Variants in CSTPP1 observed in about 807,000 individuals in gnomAD.
CSTPP1 encodes UPF0705 protein C11orf49.
At chr11:46,937,364 A>G in the CSTPP1 span, among the ~76,000 whole-genome samples, 1 of 152,086 alleles carries the variant, frequency 6.6e-6, no homozygotes, top group Non-Finnish European at 1.5e-5. Context: ...AAGTTAGGCC[A>G]CACAGCTAGA....
chr11:46,938,255 C>T, the CSTPP1 span, among the ~76,000 whole-genome samples: 26 of 151,186 alleles, frequency 1.7e-4, no homozygotes, highest in Non-Finnish European at 3.2e-4. Context: ...TCACAGTTTC[C>T]GCTATTATTT....
At chr11:47,050,848 G>C in the CSTPP1 span, among the ~76,000 whole-genome samples, 2 of 152,086 alleles carry the variant, frequency 1.3e-5, no homozygotes, top group African/African-American at 2.4e-5. Flanking sequence ...CTAATCTTTT[G>C]CCAGGTGATG....
chr11:46,982,710 G>T, the CSTPP1 span, among the ~76,000 whole-genome samples: 7 of 152,210 alleles, frequency 4.6e-5, no homozygotes, highest in East Asian at 1.4e-3. Context: ...GGTATATGAT[G>T]ATGTATATTT....
the CSTPP1 span, among the ~76,000 whole-genome samples, chr11:47,065,457 T>C: frequency 3.3e-5 from 5 of 152,012 alleles, no homozygotes; most frequent in Admixed American, 1.3e-4. Context: ...TTTTTATTTC[T>C]TTTAGAGATG....
At chr11:46,967,003 G>T in the CSTPP1 span, among the ~76,000 whole-genome samples, 1 of 152,074 alleles carries the variant, frequency 6.6e-6, no homozygotes, top group African/African-American at 2.4e-5. Flanking sequence ...ACCTTATATG[G>T]CTGGGAGAGA....
chr11:47,126,595 T>G, the CSTPP1 span, among the ~76,000 whole-genome samples: 1 of 151,686 alleles, frequency 6.6e-6, no homozygotes, highest in Admixed American at 6.6e-5. Context: ...ATCATACCAC[T>G]GCACTCCAGC....
At chr11:46,936,792 A>G in the CSTPP1 span, 3 of 1,610,186 alleles carry the variant, frequency 1.9e-6, no homozygotes, top group Non-Finnish European at 2.5e-6. Context: ...CTTTGAAGCC[A>G]CCCCGGTCAA....
At chr11:47,133,751 C>T in the CSTPP1 span, among the ~76,000 whole-genome samples, 1 of 152,208 alleles carries the variant, frequency 6.6e-6, no homozygotes, top group African/African-American at 2.4e-5. Context: ...CTGATAAGAT[C>T]AAGGTGCTGA....
At chr11:47,071,515 T>C in the CSTPP1 span, among the ~76,000 whole-genome samples, 1 of 152,252 alleles carries the variant, frequency 6.6e-6, no homozygotes, top group Non-Finnish European at 1.5e-5. Flanking sequence ...ATTGTGATAA[T>C]GATCATTGTT....
At chr11:47,163,904 C>A in the CSTPP1 span, among the ~76,000 whole-genome samples, 48 of 152,258 alleles carry the variant, frequency 3.2e-4, no homozygotes, top group Non-Finnish European at 5.7e-4. Context: ...CCTCAGCCTC[C>A]CAAAGTGCTG....
chr11:47,020,503 T>TA, the CSTPP1 span, among the ~76,000 whole-genome samples: 1 of 152,096 alleles, frequency 6.6e-6, no homozygotes, highest in Non-Finnish European at 1.5e-5. Context: ...GTTTTTTTTT[T>TA]AGTTGCAAAT....
chr11:47,032,483 A>G, the CSTPP1 span, among the ~76,000 whole-genome samples: 100 of 152,314 alleles, frequency 6.6e-4, no homozygotes, highest in African/African-American at 2.3e-3. Context: ...ATATTTGACT[A>G]AAGAAAATGG....
At chr11:46,970,129 G>A in the CSTPP1 span, among the ~76,000 whole-genome samples, 2 of 152,124 alleles carry the variant, frequency 1.3e-5, no homozygotes, top group African/African-American at 4.8e-5. Context: ...GACAGTGGCT[G>A]TAGGATGTTT....
At chr11:47,101,164 A>ATTTTTTTTTTTTTTTTTTTT in the CSTPP1 span, among the ~76,000 whole-genome samples, 3 of 30,376 alleles carry the variant, frequency 9.9e-5, no homozygotes, top group Non-Finnish European at 1.6e-4. Context: ...ACACCGGCTA[A>ATTTTTTTTTTTTTTTTTTTT]TTTTTTTTTT....
chr11:47,138,017 A>C, the CSTPP1 span: 4 of 497,572 alleles, frequency 8.0e-6, no homozygotes, highest in African/African-American at 5.8e-5. Context: ...ATACCCCCAC[A>C]CACACACACC....
the CSTPP1 span, among the ~76,000 whole-genome samples, chr11:47,090,341 C>G: frequency 6.6e-6 from 1 of 152,000 alleles, no homozygotes; most frequent in Non-Finnish European, 1.5e-5. Flanking sequence ...GCAGTATGCA[C>G]AATGTTGAAA....
chr11:47,013,539 G>A, the CSTPP1 span, among the ~76,000 whole-genome samples: 1 of 152,134 alleles, frequency 6.6e-6, no homozygotes, highest in Non-Finnish European at 1.5e-5. Flanking sequence ...TGAGGATAAT[G>A]GCTTCCAGCT....
the CSTPP1 span, among the ~76,000 whole-genome samples, chr11:46,999,109 A>G: frequency 6.6e-6 from 1 of 152,066 alleles, no homozygotes. Context: ...CCCTAGAAGG[A>G]AAAAGAGCTG....
the CSTPP1 span, among the ~76,000 whole-genome samples, chr11:47,099,537 G>A: frequency 6.6e-6 from 1 of 152,194 alleles, no homozygotes; most frequent in Non-Finnish European, 1.5e-5. Flanking sequence ...GTTGTATTCA[G>A]ATTTATACCA....
Sources: allele counts gnomAD v4.1 joint callset (sites outside exome capture counted in the v4.1 genomes callset), GRCh38; gene constraint gnomAD v4.1.1; transcripts MANE v1.5; gene names NCBI Gene and HGNC (gene_info 2026-07-23, HGNC 2026-07-21).